Variants in TM9SF3 observed in about 807,000 individuals in gnomAD.
TM9SF3 encodes SM-11044-binding protein.
Under a neutral mutation model 78.6 loss-of-function variants are expected in TM9SF3, and 14 were observed. The ratio of observed to expected loss-of-function variants is 0.18; its 90% CI spans 0.12 to 0.28. TM9SF3 has a LOEUF of 0.28. TM9SF3 is among the 10% of genes least tolerant of loss of function. The pLI is 1.00. For missense variants in TM9SF3, 496 were observed against 721.9 expected, an observed-to-expected ratio of 0.69 and a Z score of 3.59; for synonymous variants, 231 against 241.7, an observed-to-expected ratio of 0.96 and a Z score of 0.41.
intron 2 of TM9SF3, among the ~76,000 whole-genome samples, chr10:96,572,084 A>G (rs958882396): frequency 1.3e-5 from 2 of 152,230 alleles, no homozygotes; most frequent in African/African-American, 4.8e-5. Context: ...CAGCTTGGGG[A>G]TAAATCAAAG....
chr10:96,524,167 A>T (rs1288112852), intron 14 of TM9SF3, among the ~76,000 whole-genome samples: 1 of 151,858 alleles, frequency 6.6e-6, no homozygotes, highest in Non-Finnish European at 1.5e-5. Flanking sequence ...TGTATTTCAA[A>T]GTTTCCCTTT....
At chr10:96,564,640 GA>G (rs1848349052) in intron 3 of TM9SF3, among the ~76,000 whole-genome samples, 1 of 152,112 alleles carries the variant, frequency 6.6e-6, no homozygotes, top group African/African-American at 2.4e-5. Flanking sequence ...AGCATTAGAA[GA>G]AACATTCATT....
chr10:96,543,895 C>A, intron 9 of TM9SF3, 181 bp downstream of exon 9: 1 of 471,682 alleles, frequency 2.1e-6, no homozygotes, highest in Non-Finnish European at 3.3e-6. Flanking sequence ...TAGGTTTAAA[C>A]TTAACCAAAA....
chr10:96,576,521 A>C (rs1313705216), intron 2 of TM9SF3, 113 bp downstream of exon 2: 1 of 1,001,108 alleles, frequency 1.0e-6, no homozygotes, highest in Non-Finnish European at 1.4e-6. Context: ...TAACATGTAC[A>C]TAACAGCTCC....
At chr10:96,569,901 G>A (rs1282497132) in intron 2 of TM9SF3, among the ~76,000 whole-genome samples, 5 of 152,118 alleles carry the variant, frequency 3.3e-5, no homozygotes, top group South Asian at 2.1e-4. Flanking sequence ...GCGTGGTGGC[G>A]TGTGCCCGTA....
intron 14 of TM9SF3, among the ~76,000 whole-genome samples, chr10:96,526,005 G>T (rs1226144879): frequency 1.3e-5 from 2 of 152,038 alleles, no homozygotes; most frequent in African/African-American, 4.8e-5. Flanking sequence ...AGGACTTTCA[G>T]CCTTCATCAA....
chr10:96,544,093 T>C lies in TM9SF3; in HGVS notation c.1168A>G (p.Ile390Val). The change falls in exon 9 of 15, where the codon ATT becomes GTT. Residue 390 changes from isoleucine (I) to valine (V), a missense_variant. Ile to Val is a conservative substitution (Grantham distance 29). Around this residue, in one of 4 missense-constraint regions of TM9SF3, gnomAD observed 280 missense variants for 422.6 expected, o/e 0.66. Transcript: ENST00000371142. ...IAIYYHASRA[I>V]PFGTMVAVCC... is the part of the protein sequence containing the mutation. Reference sequence around the variant, plus strand: ...CAACTCACCATTGTTCCAAAAGGAATGGCTCTTGAAGCATGGTAATAAATG... The same window carrying C: ...CAACTCACCATTGTTCCAAAAGGAACGGCTCTTGAAGCATGGTAATAAATG... The C allele has an allele frequency of 1.2e-6, 2 of 1,610,824 alleles. No homozygotes were observed. Among genetic ancestry groups the C allele is most frequent in the Non-Finnish European group, 1.7e-6 (2 of 1,178,998 alleles).
chr10:96,548,919 T>C (rs1008995700), intron 7 of TM9SF3, among the ~76,000 whole-genome samples: 3 of 152,052 alleles, frequency 2.0e-5, no homozygotes, highest in Non-Finnish European at 4.4e-5. Flanking sequence ...TCCCTCCCCA[T>C]GTCCCTCAAG....
chr10:96,552,669 A>C (rs929911144), intron 6 of TM9SF3, among the ~76,000 whole-genome samples: 1 of 152,176 alleles, frequency 6.6e-6, no homozygotes, highest in South Asian at 2.1e-4. Flanking sequence ...CTTGGCTTGA[A>C]CTAACAAGAG....
At chr10:96,554,167 G>A (rs550800117) in intron 5 of TM9SF3, among the ~76,000 whole-genome samples, 1 of 152,224 alleles carries the variant, frequency 6.6e-6, no homozygotes, top group Non-Finnish European at 1.5e-5. Flanking sequence ...TAAAGGTAAA[G>A]CAAATAGTAT....
At chr10:96,527,607 TA>T (rs1377945448) in intron 12 of TM9SF3, 111 bp from the exon 13 acceptor site, 1 of 831,382 alleles carries the variant, frequency 1.2e-6, no homozygotes. Flanking sequence ...CTTTAAAACT[TA>T]TTTAAAAAAC....
chr10:96,557,625 CCT>C (rs1848251954), intron 5 of TM9SF3, among the ~76,000 whole-genome samples: 1 of 152,172 alleles, frequency 6.6e-6, no homozygotes, highest in Non-Finnish European at 1.5e-5. Context: ...GCTCCTGCTA[CCT>C]CTCTGACTTC....
chr10:96,527,290 C>A lies in TM9SF3; in HGVS notation c.1626-1G>T. 1 of 1,610,442 alleles carries A rather than the reference C, an allele frequency of 6.2e-7. No homozygotes were observed. Among genetic ancestry groups the A allele is most frequent in the South Asian group, 1.1e-5 (1 of 90,674 alleles). ...TGATGTTTGAAATAAGCCATACATC[C>A]TGAAATAAAACAAAATATATATAGG... On this transcript the variant is annotated splice_acceptor_variant, in intron 13 of 14. Transcript: ENST00000371142. LOFTEE classifies it high-confidence loss of function.
chr10:96,567,157 T>C (rs950454494), intron 2 of TM9SF3, among the ~76,000 whole-genome samples: 7 of 144,726 alleles, frequency 4.8e-5, no homozygotes, highest in Non-Finnish European at 1.1e-4. Context: ...AGATCTCGGC[T>C]CACTGCAACT....
At chr10:96,565,527 A>C in intron 2 of TM9SF3, 101 bp from the exon 3 acceptor site, 3 of 1,347,064 alleles carry the variant, frequency 2.2e-6, no homozygotes, top group Non-Finnish European at 3.0e-6. Flanking sequence ...TACAGTTAAA[A>C]TTTCTATTCA....
rs370197060 is a variant in TM9SF3, at chr10:96,549,816, T to TAAAAAAAAAAAAAAAAAAAAAAAA, written c.959+1428_959+1429insTTTTTTTTTTTTTTTTTTTTTTTT. Among the ~76,000 whole-genome samples, 3 of 121,820 alleles carry TAAAAAAAAAAAAAAAAAAAAAAAA rather than the reference T, an allele frequency of 2.5e-5. 1 individual carries two copies. Among genetic ancestry groups the TAAAAAAAAAAAAAAAAAAAAAAAA allele is most frequent in the Non-Finnish European group, 1.7e-5 (1 of 59,038 alleles). 79.9% of individuals were successfully genotyped at this position (121,820 alleles called of 152,430 possible). A position where few individuals can be genotyped will look rare whatever the true frequency, so the allele number is the denominator to read the frequency against. On this transcript the variant is annotated intron_variant, in intron 7 of 14. Transcript: ENST00000371142. ...CTTTAAGTAGAAGAGCTTCTGCATT[T>TAAAAAAAAAAAAAAAAAAAAAAAA]TAAAAAAAAAAAAAAAAAAAGAGCT...
chr10:96,547,826 C>CA (rs539357135), intron 8 of TM9SF3, 69 bp downstream of exon 8: 486 of 1,375,534 alleles, frequency 3.5e-4, no homozygotes, highest in East Asian at 2.2e-3. Flanking sequence ...TCAAAACAAA[C>CA]AAAAAAAATC....
chr10:96,560,196 G>GATGGAC (rs1345202170), intron 4 of TM9SF3: 18 of 1,007,508 alleles, frequency 1.8e-5, no homozygotes, highest in Non-Finnish European at 2.5e-5. Flanking sequence ...TGGAAGATTC[G>GATGGAC]ATGGACATGG....
In TM9SF3 at chr10:96,586,818, G is replaced by A. The variant is rs1451484616; in HGVS notation, c.18C>T (p.Gly6=). The A allele has an allele frequency of 1.6e-6, 2 of 1,255,264 alleles. No homozygotes were observed. The highest frequency in any genetic ancestry group is 3.9e-5 in the Admixed American group (1 of 25,726). The allele number at this position is 1,255,264 out of a possible 1,614,324, so 77.8% of individuals were successfully genotyped here. A position where few individuals can be genotyped will look rare whatever the true frequency, so the allele number is the denominator to read the frequency against. Residue 6 remains glycine (G), a synonymous_variant, in exon 1 of 15, where the codon GGC becomes GGT. Coordinates refer to ENST00000371142, the MANE Select transcript of TM9SF3 (RefSeq NM_020123.4). The part of the protein sequence containing the change: MRPLP[G]ALGVAAAAAL... Reference sequence around the variant, plus strand: ...CGGCGGCCGCCGCCACGCCAAGAGCGCCAGGCAGCGGCCTCATCCTCCGCG... The same window carrying A: ...CGGCGGCCGCCGCCACGCCAAGAGCACCAGGCAGCGGCCTCATCCTCCGCG...
Sources: allele counts gnomAD v4.1 joint callset (sites outside exome capture counted in the v4.1 genomes callset), GRCh38; gene constraint gnomAD v4.1.1; regional missense constraint gnomAD v4.1.1; transcripts MANE v1.5; gene names NCBI Gene and HGNC (gene_info 2026-07-23, HGNC 2026-07-21).